C8orf34: variants seen among roughly 807,000 people sequenced by gnomAD.
The protein encoded by C8orf34 is uncharacterized protein C8orf34.
C8orf34 carries 65 observed loss-of-function variants against 68.3 expected under a neutral mutation model. That is an observed-to-expected ratio of 0.95 (90% confidence interval 0.78 to 1.17). The LOEUF is 1.17. Among genes scored for constraint, C8orf34 ranks in the 50% most tolerant of loss-of-function variants. C8orf34 has a pLI of 0.00. For missense variants in C8orf34, 664 were observed against 655.4 expected (o/e 1.01, Z -0.14); for synonymous variants, 244 against 241.2 (o/e 1.01, Z -0.11).
At chr8:68,632,649 A>G (rs3857960) in intron 7 of C8orf34, among the ~76,000 whole-genome samples, 21,024 of 152,080 alleles carry the variant, frequency 0.14, 1,512 homozygotes, top group Admixed American at 0.21. Context: ...CTAGTAGGGA[A>G]AAATGGTTTT....
At chr8:68,785,722 G>A (rs1823826364) in intron 11 of C8orf34, among the ~76,000 whole-genome samples, 1 of 151,964 alleles carries the variant, frequency 6.6e-6, no homozygotes, top group East Asian at 1.9e-4. Context: ...AAAGCTTATG[G>A]TATAAAATTC....
At chr8:68,503,648 A>C (rs1239278591) in intron 5 of C8orf34, among the ~76,000 whole-genome samples, 1 of 151,938 alleles carries the variant, frequency 6.6e-6, no homozygotes, top group East Asian at 1.9e-4. Context: ...TTTAGTTCTC[A>C]AAACGGTCCA....
intron 4 of C8orf34, among the ~76,000 whole-genome samples, chr8:68,469,933 TG>T (rs1428475912): frequency 1.5e-4 from 3 of 19,924 alleles, no homozygotes; most frequent in East Asian, 1.9e-3. Context: ...TTTGGTATTT[TG>T]TGTGTGTGTG....
intron 8 of C8orf34, among the ~76,000 whole-genome samples, chr8:68,688,327 G>A (rs1046742291): frequency 2.5e-4 from 38 of 151,978 alleles, no homozygotes; most frequent in African/African-American, 6.7e-4. Flanking sequence ...AGCACAATTC[G>A]CAATTGCAAA....
At chr8:68,649,844 G>GA (rs201565912) in intron 8 of C8orf34, among the ~76,000 whole-genome samples, 20 of 150,360 alleles carry the variant, frequency 1.3e-4, no homozygotes, top group South Asian at 2.1e-4. Flanking sequence ...ACAACGTATG[G>GA]AAAAAAAAAC....
In C8orf34 at chr8:68,385,969, A is replaced by G. The variant is rs557914638; in HGVS notation, c.328-53530A>G. On this transcript the variant is annotated intron_variant, in intron 1 of 13. Transcript: ENST00000518698. ...GACTGGAGTGTAGTGGCGTGGTAAT[A>G]GCTCTTTGTGGTCTCAACCTCCTGG... Among the ~76,000 whole-genome samples, 20 of 152,264 alleles carry G rather than the reference A, an allele frequency of 1.3e-4. No homozygotes were observed. The East Asian group carries it at 3.9e-3, about 29-fold the overall frequency.
chr8:68,343,443 T>G (rs987270115), intron 1 of C8orf34, among the ~76,000 whole-genome samples: 6 of 152,082 alleles, frequency 3.9e-5, no homozygotes, highest in African/African-American at 1.4e-4. Context: ...TTTATTTATT[T>G]GACAGGGTCT....
At chr8:68,637,247 G>A (rs1818873202) in intron 7 of C8orf34, among the ~76,000 whole-genome samples, 1 of 152,088 alleles carries the variant, frequency 6.6e-6, no homozygotes, top group African/African-American at 2.4e-5. Flanking sequence ...AGTGATACAT[G>A]TCTTATAGTC....
chr8:68,403,146 G>A (rs1809032146), intron 1 of C8orf34, among the ~76,000 whole-genome samples: 1 of 152,192 alleles, frequency 6.6e-6, no homozygotes, highest in African/African-American at 2.4e-5. Context: ...TAAGTTGATA[G>A]TAGTGGATAT....
chr8:68,804,969 T>C (rs529936245), intron 12 of C8orf34, among the ~76,000 whole-genome samples: 1 of 152,314 alleles, frequency 6.6e-6, no homozygotes, highest in African/African-American at 2.4e-5. Flanking sequence ...TCTGTTGATA[T>C]AGACCACAAA....
chr8:68,518,886 C>CAAAAAAA (rs56255310), intron 5 of C8orf34, among the ~76,000 whole-genome samples: 34 of 78,128 alleles, frequency 4.4e-4, no homozygotes, highest in African/African-American at 1.2e-3. Context: ...GAGCAAGACT[C>CAAAAAAA]AAAAAAAAAA....
At chr8:68,547,770 T>G (rs1412878368) in intron 7 of C8orf34, among the ~76,000 whole-genome samples, 2 of 151,652 alleles carry the variant, frequency 1.3e-5, no homozygotes, top group Non-Finnish European at 3.0e-5. Context: ...AACAATGTCA[T>G]CAGTGGAATT....
intron 8 of C8orf34, among the ~76,000 whole-genome samples, chr8:68,698,776 C>A (rs1202366547): frequency 1.3e-5 from 2 of 152,034 alleles, no homozygotes; most frequent in Non-Finnish European, 2.9e-5. Flanking sequence ...GGATCCTGGG[C>A]TCAAGTGGAG....
At chr8:68,801,745 C>A (rs1824332729) in intron 12 of C8orf34, among the ~76,000 whole-genome samples, 1 of 152,068 alleles carries the variant, frequency 6.6e-6, no homozygotes, top group South Asian at 2.1e-4. Context: ...TTCTCAGAAT[C>A]TATCTAATGG....
rs564278595 is a variant in C8orf34 at position 68,386,810 on chromosome 8, T to C, written c.328-52689T>C. Among the ~76,000 whole-genome samples, 49 of 152,144 alleles carry C rather than the reference T, an allele frequency of 3.2e-4. 1 individual carries two copies. Among genetic ancestry groups the C allele is most frequent in the Non-Finnish European group, 4.6e-4 (31 of 68,016 alleles). ...CCAGATCATTCTTTGCTGTGGGAGCTGTCCTGGGCACTGTAGGATGTTTGG... is the reference window on the plus strand; with the variant it reads ...CCAGATCATTCTTTGCTGTGGGAGCCGTCCTGGGCACTGTAGGATGTTTGG... On this transcript the variant is annotated intron_variant, in intron 1 of 13. Coordinates refer to ENST00000518698, the MANE Select transcript of C8orf34 (RefSeq NM_052958.4).
At chr8:68,655,414 T>A (rs1461645457) in intron 8 of C8orf34, among the ~76,000 whole-genome samples, 1 of 152,208 alleles carries the variant, frequency 6.6e-6, no homozygotes, top group African/African-American at 2.4e-5. Flanking sequence ...ATCTTTGATT[T>A]TGAGTAAAGA....
At chr8:68,655,778 GA>G (rs1463175799) in intron 8 of C8orf34, among the ~76,000 whole-genome samples, 2 of 152,072 alleles carry the variant, frequency 1.3e-5, no homozygotes, top group South Asian at 2.1e-4. Context: ...GGGGATGGGG[GA>G]AACCCACAAC....
intron 1 of C8orf34, among the ~76,000 whole-genome samples, chr8:68,380,348 A>C (rs957306479): frequency 6.6e-5 from 10 of 152,282 alleles, no homozygotes; most frequent in African/African-American, 2.2e-4. Flanking sequence ...GAGTTCAGCC[A>C]GAAAAATTAA....
At chr8:68,332,532 G>A (rs891346507) in intron 1 of C8orf34, among the ~76,000 whole-genome samples, 8 of 152,038 alleles carry the variant, frequency 5.3e-5, no homozygotes, top group Non-Finnish European at 8.8e-5. Flanking sequence ...GGAGATCGCG[G>A]AAAACCTAGC....
Sources: allele counts gnomAD v4.1 joint callset (sites outside exome capture counted in the v4.1 genomes callset), GRCh38; gene constraint gnomAD v4.1.1; transcripts MANE v1.5; gene names NCBI Gene and HGNC (gene_info 2026-07-23, HGNC 2026-07-21).